The following COL4A5 variants were observed in gnomAD, a reference collection of about 807,000 sequenced individuals.
COL4A5 encodes collagen type IV alpha 5 chain, also known as collagen alpha-5(IV) chain.
Under a neutral mutation model 130.2 loss-of-function variants are expected in COL4A5, and 26 were observed. That is an observed-to-expected ratio of 0.20 (90% CI 0.15 to 0.28). COL4A5 has a LOEUF of 0.28. Ranked by LOEUF, COL4A5 falls within the 10% of genes least tolerant of loss-of-function variation. The probability of loss-of-function intolerance (pLI) is 1.00; values close to 1 mark genes in which losing one functional copy is unlikely to be tolerated. For synonymous variants in COL4A5, 496 were observed against 439.6 expected (o/e 1.13, Z -1.60); for missense variants, 1,131 against 1,344.3 (o/e 0.84, Z 2.48).
intron 1 of COL4A5, among the ~76,000 whole-genome samples, chrX:108,536,471 T>G (rs1241616246): frequency 1.8e-5 from 2 of 111,875 alleles, no homozygotes; most frequent in East Asian, 2.8e-4. Flanking sequence ...TTTTCTTGCT[T>G]CTTTCATCTT....
Position 108,556,388 on chromosome X carries a change from A to T in COL4A5, c.142-2676A>T, listed in dbSNP as rs1289695390. Among the ~76,000 whole-genome samples, 5 of 111,329 alleles carry T rather than the reference A, an allele frequency of 4.5e-5. 1 individual carries two copies. The East Asian group carries it at 1.4e-3, about 31-fold the overall frequency. ...GTGAAGATGTTTCAGACAGTTGCCT[A>T]TGAGAGCCTAGTTTTTTAGTAAAAA... On this transcript the variant is annotated intron_variant, in intron 2 of 52. Transcript: ENST00000328300.
At position 108,440,113 on chromosome X, in the gene COL4A5, G is replaced by A. The variant is rs375748554; in HGVS notation, c.-13G>A. On this transcript the variant is annotated 5_prime_UTR_variant, in exon 1 of 53. Transcript: ENST00000328300. ...CGTGCGGGTGCTGAAGGAGCTGCGG[G>A]AGCCGGAGAAGAATGAAACTGCGTG... The A allele has an allele frequency of 3.4e-4, 411 of 1,197,573 alleles. 1 individual carries two copies. Among genetic ancestry groups the A allele is most frequent in the Non-Finnish European group, 4.4e-4 (390 of 886,247 alleles).
At chrX:108,653,515 C>T (rs2067774479) in intron 36 of COL4A5, among the ~76,000 whole-genome samples, 1 of 111,248 alleles carries the variant, frequency 9.0e-6, no homozygotes, top group Admixed American at 9.6e-5. Flanking sequence ...TATCATGCTA[C>T]ACAAAATGGC....
chrX:108,440,528 C>CGAGA, intron 1 of COL4A5: 1 of 269,771 alleles, frequency 3.7e-6, no homozygotes, highest in Admixed American at 6.1e-5. Flanking sequence ...ACTTTTCCTC[C>CGAGA]CCTCCCTCCA....
At position 108,695,740 on chromosome X, in the gene COL4A5, C is replaced by T. The variant is rs1011091467; in HGVS notation, c.4994+301C>T. ...AGCAGCTGTTCAACTAGATTGAGAC[C>T]ACCCCAGGAATTGAAGTTACAGTCT... On this transcript the variant is annotated intron_variant, in intron 52 of 52. Transcript: ENST00000328300. 6 of 302,282 alleles carry T rather than the reference C, an allele frequency of 2.0e-5. No individual in the cohort carries two copies. In the Admixed American group the frequency reaches 2.0e-4, roughly 10 times the overall value. 24.9% of individuals were successfully genotyped at this position (302,282 alleles called of 1,213,427 possible). A position where few individuals can be genotyped will look rare whatever the true frequency, so the allele number is the denominator to read the frequency against.
intron 36 of COL4A5, among the ~76,000 whole-genome samples, chrX:108,650,061 G>GA (rs1205465420): frequency 1.4e-3 from 142 of 103,973 alleles, no homozygotes; most frequent in African/African-American, 3.1e-3. Flanking sequence ...AAATCAGTAA[G>GA]AAAAAAAAAC....
At position 108,622,812 on chromosome X, in the gene COL4A5, A is replaced by G; in HGVS notation, c.2904A>G (p.Glu968=). 8.3e-7 allele frequency: 1 copy of G among 1,208,678 alleles called. No homozygotes were observed. The highest frequency in any genetic ancestry group is 1.1e-6 in the Non-Finnish European group (1 of 894,238). ...NLLGSKGEKG[E]PGLPGIPGVS... Reference sequence around the variant, plus strand: ...TGGGCTCAAAAGGAGAGAAGGGGGAACCTGGCTTACCAGGTGAGTGAATGA... The same window carrying G: ...TGGGCTCAAAAGGAGAGAAGGGGGAGCCTGGCTTACCAGGTGAGTGAATGA... The change falls in exon 33 of 53, where the codon GAA becomes GAG. Residue 968 remains glutamate, a synonymous_variant. Transcript: ENST00000328300.
In COL4A5 at chrX:108,568,610, A is replaced by G; in HGVS notation, c.277-19A>G. The G allele has an allele frequency of 8.9e-7, 1 of 1,128,638 alleles. No individual in the cohort carries two copies. Among genetic ancestry groups the G allele is most frequent in the Non-Finnish European group, 1.2e-6 (1 of 821,053 alleles). The allele number at this position is 1,128,638 out of a possible 1,213,427, so 93.0% of individuals were successfully genotyped here. On this transcript the variant is annotated intron_variant, in intron 4 of 52. Coordinates refer to ENST00000328300, the MANE Select transcript of COL4A5 (RefSeq NM_033380.3). ...TTATGGGTTGTCATTTAGTTTAAGG[A>G]TTTTATTTCTTCTTATAGGGTCCTC...
intron 1 of COL4A5, among the ~76,000 whole-genome samples, chrX:108,454,815 G>A (rs894257718): frequency 9.1e-6 from 1 of 110,081 alleles, no homozygotes; most frequent in Admixed American, 9.7e-5. Flanking sequence ...AAGGTCTCCT[G>A]CTGCCTAGGC....
intron 44 of COL4A5, among the ~76,000 whole-genome samples, chrX:108,679,782 T>G (rs1016200479): frequency 1.8e-5 from 2 of 111,041 alleles, no homozygotes; most frequent in Non-Finnish European, 3.8e-5. Flanking sequence ...CTGGGCATCA[T>G]AGTGAGATCC....
chrX:108,444,046 T>C (rs1307008840), intron 1 of COL4A5, among the ~76,000 whole-genome samples: 1 of 111,562 alleles, frequency 9.0e-6, no homozygotes. Context: ...ATATTTGTTT[T>C]ATTCTATAGG....
At chrX:108,600,329 A>G (rs1359905817) in intron 25 of COL4A5, among the ~76,000 whole-genome samples, 1 of 111,809 alleles carries the variant, frequency 8.9e-6, no homozygotes, top group Admixed American at 9.5e-5. Flanking sequence ...AGCAGAAAAC[A>G]ACTTTCACAT....
intron 1 of COL4A5, among the ~76,000 whole-genome samples, chrX:108,458,512 C>G (rs2064606556): frequency 9.0e-6 from 1 of 111,595 alleles, no homozygotes; most frequent in Non-Finnish European, 1.9e-5. Context: ...TCGCCCCCGC[C>G]TCCTTCTTTG....
chrX:108,604,821 A>C (rs1603292945), intron 28 of COL4A5, among the ~76,000 whole-genome samples: 1 of 112,205 alleles, frequency 8.9e-6, no homozygotes, highest in Non-Finnish European at 1.9e-5. Flanking sequence ...TGCAGCTTCT[A>C]TATCAAAACT....
intron 28 of COL4A5, among the ~76,000 whole-genome samples, chrX:108,603,473 C>T (rs929828356): frequency 5.4e-5 from 6 of 110,792 alleles, no homozygotes; most frequent in African/African-American, 1.3e-4. Context: ...TTAAAGTGTG[C>T]GATAGCATTA....
intron 2 of COL4A5, among the ~76,000 whole-genome samples, chrX:108,551,274 T>C (rs774909179): frequency 9.0e-6 from 1 of 111,219 alleles, no homozygotes; most frequent in Admixed American, 9.6e-5. Context: ...CCAGAATCTA[T>C]AAGGAACTTA....
chrX:108,584,310 C>T (rs73526296), intron 17 of COL4A5, among the ~76,000 whole-genome samples, 174 bp from the exon 18 acceptor site: 59 of 110,336 alleles, frequency 5.3e-4, no homozygotes, highest in African/African-American at 1.7e-3. Context: ...ATCTGAGACA[C>T]CATCACAGGT....
intron 1 of COL4A5, among the ~76,000 whole-genome samples, chrX:108,468,160 A>G (rs1361562803): frequency 1.8e-5 from 2 of 111,841 alleles, no homozygotes; most frequent in Non-Finnish European, 3.8e-5. Flanking sequence ...TTTTACTGTG[A>G]CCCATCACAT....
In COL4A5 at chrX:108,473,595, TTA is replaced by T. The variant is rs777363794; in HGVS notation, c.81+33405_81+33406del. 4.0e-3 allele frequency among the ~76,000 whole-genome samples: 241 copies of T among 59,554 alleles called. 2 individuals carry two copies. Among genetic ancestry groups the T allele is most frequent in the African/African-American group, 0.011 (207 of 18,062 alleles). The allele number at this position is 59,554 out of a possible 115,157, so 51.7% of individuals were successfully genotyped here. On this transcript the variant is annotated intron_variant, in intron 1 of 52. Coordinates refer to ENST00000328300, the MANE Select transcript of COL4A5 (RefSeq NM_033380.3). Reference sequence around the variant, plus strand: ...GGTTATAGAATAAGGATATAAAGTTTTATATATATATATATATGTATATATAT... The same window carrying T: ...GGTTATAGAATAAGGATATAAAGTTTTATATATATATATATGTATATATAT...
Sources: allele counts gnomAD v4.1 joint callset (sites outside exome capture counted in the v4.1 genomes callset), GRCh38; gene constraint gnomAD v4.1.1; transcripts MANE v1.5; gene names NCBI Gene and HGNC (gene_info 2026-07-23, HGNC 2026-07-21).